Variants in TNFRSF21 observed in about 807,000 individuals in gnomAD.
TNFRSF21 encodes the protein TNF receptor superfamily member 21.
Under a neutral mutation model 45.6 loss-of-function variants are expected in TNFRSF21, and 19 were observed. The observed-to-expected ratio is 0.42, with a 90% CI of 0.29 to 0.61. The LOEUF (loss-of-function observed/expected upper bound fraction) is 0.61, where lower values mean the gene tolerates loss of function less well. Among genes scored for constraint, TNFRSF21 ranks in the 20% least tolerant of loss-of-function variants. The pLI, the probability that TNFRSF21 is intolerant of heterozygous loss-of-function variation, is 0.23. For missense variants in TNFRSF21, 737 were observed against 851.5 expected, an observed-to-expected ratio of 0.87 and a Z score of 1.67; for synonymous variants, 314 against 335.5, an observed-to-expected ratio of 0.94 and a Z score of 0.70.
intron 4 of TNFRSF21, among the ~76,000 whole-genome samples, chr6:47,252,799 C>A (rs746149636): frequency 1.3e-5 from 2 of 152,216 alleles, no homozygotes; most frequent in Non-Finnish European, 2.9e-5. Flanking sequence ...CTGCCGCTAG[C>A]ACCACCTGCA....
chr6:47,242,693 G>A lies in TNFRSF21; in HGVS notation c.1510-7795C>T, dbSNP rs113630792. On this transcript the variant is annotated intron_variant, in intron 4 of 5. Transcript: ENST00000296861. ...GGCTGTCCAGGCTGCTGACATCAAC[G>A]GTAGTGGTGTTGCAGCCCTGAGCTG... is the stretch of plus-strand genomic sequence containing the variant. Among the ~76,000 whole-genome samples, 815 of 152,326 alleles carry A rather than the reference G, an allele frequency of 5.4e-3. 13 individuals are homozygous for A. The highest frequency in any genetic ancestry group is 0.018 in the African/African-American group (758 of 41,586).
Position 47,232,921 on chromosome 6 carries a change from G to C in TNFRSF21, c.1812C>G (p.Leu604=), listed in dbSNP as rs750630388. Reference sequence around the variant, plus strand: ...GCAGCTCCTCAGGATTTAGAAAGTGGAGCATGTCATCAAAGATAGGCTGCA... The same window carrying C: ...GCAGCTCCTCAGGATTTAGAAAGTGCAGCATGTCATCAAAGATAGGCTGCA... The part of the protein sequence containing the change: ...CDLQPIFDDM[L]HFLNPEELRV... Residue 604 remains leucine, a synonymous_variant, in exon 6 of 6, where the codon CTC becomes CTG. Coordinates refer to ENST00000296861, the MANE Select transcript of TNFRSF21 (RefSeq NM_014452.5). 5 of 1,614,136 alleles carry C rather than the reference G, an allele frequency of 3.1e-6. No individual in the cohort carries two copies. In the South Asian group the frequency reaches 5.5e-5, roughly 18 times the overall value.
intron 3 of TNFRSF21, among the ~76,000 whole-genome samples, chr6:47,258,627 C>G (rs1052274795): frequency 6.6e-6 from 1 of 151,898 alleles, no homozygotes; most frequent in African/African-American, 2.4e-5. Context: ...TTAGTAGAGA[C>G]GGGGTTTTGC....
intron 3 of TNFRSF21, among the ~76,000 whole-genome samples, chr6:47,258,397 G>GTTT (rs778644346): frequency 1.6e-5 from 2 of 124,546 alleles, no homozygotes; most frequent in East Asian, 2.2e-4. Context: ...AAGTAATTGT[G>GTTT]GTTTTTTTTT....
chr6:47,309,479 G>T lies in TNFRSF21; in HGVS notation c.33C>A (p.Leu11=). 1 of 1,528,098 alleles carries T rather than the reference G, an allele frequency of 6.5e-7. No individual in the cohort carries two copies. The allele number at this position is 1,528,098 out of a possible 1,614,324, so 94.7% of individuals were successfully genotyped here. A position where few individuals can be genotyped will look rare whatever the true frequency, so the allele number is the denominator to read the frequency against. The change falls in exon 1 of 6, where the codon CTC becomes CTA. Residue 11 remains leucine, a synonymous_variant. Transcript: ENST00000296861. MGTSPSSSTA[L]ASCSRIARRA... is the part of the protein sequence containing the mutation. ...GGCGGGCGATGCGGCTGCAGGAGGC[G>T]AGGGCGGTGCTGCTGCTCGGAGAGG...
At chr6:47,289,868 C>T (rs1055408116) in intron 1 of TNFRSF21, among the ~76,000 whole-genome samples, 2 of 152,076 alleles carry the variant, frequency 1.3e-5, no homozygotes, top group Non-Finnish European at 2.9e-5. Context: ...GTGGAGCATG[C>T]CTGTAATCCC....
At chr6:47,287,309 A>G (rs1240864912) in intron 1 of TNFRSF21, among the ~76,000 whole-genome samples, 3 of 125,272 alleles carry the variant, frequency 2.4e-5, no homozygotes, top group Non-Finnish European at 3.1e-5. Context: ...CTCTTTCTCA[A>G]AAAAAAAAAA....
intron 1 of TNFRSF21, among the ~76,000 whole-genome samples, chr6:47,287,012 A>G (rs565862147): frequency 2.6e-5 from 4 of 152,152 alleles, no homozygotes. Flanking sequence ...CAAAATTTGC[A>G]ATTTGCAAAA....
rs375274022 is a variant in TNFRSF21, at chr6:47,233,093, T to TC, written c.1739-100dup. 6.9e-4 allele frequency: 714 copies of TC among 1,027,592 alleles called. 3 individuals are homozygous for TC. In the African/African-American group the frequency reaches 8.0e-3, roughly 12 times the overall value. The allele number at this position is 1,027,592 out of a possible 1,614,324, so 63.7% of individuals were successfully genotyped here. On this transcript the variant is annotated intron_variant, in intron 5 of 5. Transcript: ENST00000296861. Reference sequence around the variant, plus strand: ...GGTCCTAGAGAGAGAGACATCTATGTCCCCCCCAGCCTATTATTCTCCATC... The same window carrying TC: ...GGTCCTAGAGAGAGAGACATCTATGTCCCCCCCCAGCCTATTATTCTCCATC...
At chr6:47,304,489 C>A (rs1427096622) in intron 1 of TNFRSF21, among the ~76,000 whole-genome samples, 3 of 152,132 alleles carry the variant, frequency 2.0e-5, no homozygotes, top group Non-Finnish European at 4.4e-5. Context: ...GAAGAAAGGA[C>A]AAAGACCACC....
At position 47,231,870 on chromosome 6, in the gene TNFRSF21, T is replaced by C. The variant is rs948036732; in HGVS notation, c.*895A>G. Reference sequence around the variant, plus strand: ...AAAGCAAAGCTGGGCAAATTCTCTATGGAAAGGGCGCCACTGGCACTTGAT... The same window carrying C: ...AAAGCAAAGCTGGGCAAATTCTCTACGGAAAGGGCGCCACTGGCACTTGAT... On this transcript the variant is annotated 3_prime_UTR_variant, in exon 6 of 6. Transcript: ENST00000296861. The C allele has an allele frequency of 1.3e-5, 2 of 152,644 alleles. No homozygotes were observed. Among genetic ancestry groups the C allele is most frequent in the East Asian group, 1.9e-4 (1 of 5,198 alleles). The allele number at this position is 152,644 out of a possible 1,614,324, so 9.5% of individuals were successfully genotyped here.
chr6:47,299,244 A>C (rs903764236), intron 1 of TNFRSF21, among the ~76,000 whole-genome samples: 2 of 152,164 alleles, frequency 1.3e-5, no homozygotes, highest in Non-Finnish European at 2.9e-5. Flanking sequence ...TAATCCCAAC[A>C]CTTTGGGAGG....
chr6:47,240,807 A>C (rs1049028834), intron 4 of TNFRSF21, among the ~76,000 whole-genome samples: 1 of 152,244 alleles, frequency 6.6e-6, no homozygotes, highest in African/African-American at 2.4e-5. Flanking sequence ...CAGATACCTC[A>C]ACTGTAGCCA....
intron 4 of TNFRSF21, among the ~76,000 whole-genome samples, chr6:47,251,216 G>A (rs1157954636): frequency 1.3e-5 from 2 of 152,090 alleles, no homozygotes; most frequent in African/African-American, 2.4e-5. Flanking sequence ...GATCCAAAAC[G>A]CTGCTAGACA....
intron 4 of TNFRSF21, among the ~76,000 whole-genome samples, chr6:47,242,252 C>G (rs1284642775): frequency 6.6e-6 from 1 of 152,126 alleles, no homozygotes; most frequent in Non-Finnish European, 1.5e-5. Context: ...CACCCCAGAT[C>G]TGTTCAAGCA....
chr6:47,262,508 T>C (rs1404464032), intron 3 of TNFRSF21, among the ~76,000 whole-genome samples: 1 of 152,190 alleles, frequency 6.6e-6, no homozygotes, highest in Non-Finnish European at 1.5e-5. Context: ...GAAGGTTACA[T>C]TCCATTGGGG....
intron 1 of TNFRSF21, among the ~76,000 whole-genome samples, chr6:47,297,080 C>T (rs373718053): frequency 2.0e-5 from 3 of 152,098 alleles, no homozygotes; most frequent in African/African-American, 4.8e-5. Context: ...CTGTGGGATC[C>T]GACACTACTT....
intron 1 of TNFRSF21, among the ~76,000 whole-genome samples, chr6:47,301,873 G>A (rs1398355701): frequency 1.3e-5 from 2 of 152,022 alleles, no homozygotes; most frequent in African/African-American, 2.4e-5. Flanking sequence ...TTATAGCATC[G>A]CAAAACGGAT....
chr6:47,236,865 T>C (rs1333317872), intron 4 of TNFRSF21, among the ~76,000 whole-genome samples: 2 of 152,222 alleles, frequency 1.3e-5, no homozygotes. Flanking sequence ...TCAGTCAATA[T>C]AGTACACTGT....
Sources: allele counts gnomAD v4.1 joint callset (sites outside exome capture counted in the v4.1 genomes callset), GRCh38; gene constraint gnomAD v4.1.1; transcripts MANE v1.5; gene names NCBI Gene and HGNC (gene_info 2026-07-23, HGNC 2026-07-21).